GRIK3: variants seen among roughly 807,000 people sequenced by gnomAD.
GRIK3 encodes glutamate ionotropic receptor kainate type subunit 3.
A neutral mutation model predicts 102.5 loss-of-function variants in GRIK3; 29 were observed. The observed-to-expected ratio is 0.28, with a 90% CI of 0.21 to 0.39. The LOEUF (loss-of-function observed/expected upper bound fraction) is 0.39. Among genes scored for constraint, GRIK3 ranks in the 10% least tolerant of loss-of-function variants. GRIK3 has a pLI of 1.00. For synonymous variants in GRIK3, 511 were observed against 504.9 expected, an observed-to-expected ratio of 1.01 and a Z score of -0.16; for missense variants, 908 against 1,252.4, an observed-to-expected ratio of 0.73 and a Z score of 4.15.
chr1:36,976,096 C>T (rs560110238), intron 1 of GRIK3, among the ~76,000 whole-genome samples: 8 of 152,216 alleles, frequency 5.3e-5, no homozygotes, highest in African/African-American at 1.9e-4. Context: ...ACTGGGTTCT[C>T]CTGCTTGGCT....
At chr1:37,032,473 G>A (rs572086961) in intron 1 of GRIK3, among the ~76,000 whole-genome samples, 2 of 150,372 alleles carry the variant, frequency 1.3e-5, no homozygotes, top group Admixed American at 1.3e-4. Flanking sequence ...TAAAGGAAGT[G>A]CTGGTCCATT....
intron 1 of GRIK3, among the ~76,000 whole-genome samples, chr1:36,985,663 C>G (rs2124370353): frequency 6.6e-6 from 1 of 152,256 alleles, no homozygotes; most frequent in African/African-American, 2.4e-5. Flanking sequence ...AGGAAAGGCC[C>G]AGGGATCCGG....
At chr1:37,016,326 T>C (rs889913626) in intron 1 of GRIK3, among the ~76,000 whole-genome samples, 3 of 152,214 alleles carry the variant, frequency 2.0e-5, no homozygotes, top group Admixed American at 6.5e-5. Flanking sequence ...TTCACCTCAT[T>C]AAGGCTCAGA....
At chr1:36,936,514 A>G (rs1228692633) in intron 1 of GRIK3, among the ~76,000 whole-genome samples, 2 of 152,214 alleles carry the variant, frequency 1.3e-5, no homozygotes, top group Non-Finnish European at 1.5e-5. Context: ...TATTTGCTGA[A>G]AGGGCACCTC....
intron 5 of GRIK3, 65 bp downstream of exon 5, chr1:36,869,683 C>T: frequency 8.0e-7 from 1 of 1,249,690 alleles, no homozygotes; most frequent in Non-Finnish European, 1.2e-6. Flanking sequence ...CCAGGCTAAG[C>T]CACAATGAAC....
intron 1 of GRIK3, among the ~76,000 whole-genome samples, chr1:36,962,617 G>A (rs1448409925): frequency 6.8e-6 from 1 of 147,872 alleles, no homozygotes; most frequent in Non-Finnish European, 1.5e-5. Context: ...TAGCGGTGGA[G>A]GAAAGTGAGA....
At chr1:36,804,927 G>A (rs1252760531) in intron 15 of GRIK3, 60 bp downstream of exon 15, 1 of 1,587,844 alleles carries the variant, frequency 6.3e-7, no homozygotes, top group Non-Finnish European at 8.6e-7. Context: ...ACATACAGGA[G>A]TGAAATCAGC....
At chr1:36,805,918 A>G (rs1642493407) in intron 14 of GRIK3, among the ~76,000 whole-genome samples, 186 bp downstream of exon 14, 1 of 148,784 alleles carries the variant, frequency 6.7e-6, no homozygotes, top group Non-Finnish European at 1.5e-5. Flanking sequence ...CCTGGGCAAC[A>G]AAAGCGAAAC....
chr1:36,850,438 G>A lies in GRIK3; in HGVS notation c.1213-14C>T, dbSNP rs1422126814. On this transcript the variant is annotated splice_polypyrimidine_tract_variant and intron_variant, in intron 8 of 15. Transcript: ENST00000373091. This position sits in a 1 kb window ranked among gnomAD's most constrained non-coding sequence, Gnocchi z 4.0. ...CCACACCCCAACCTGGATGGACACA[G>A]ACAGAAAACAGGGTGCCGAGTCCTT... 6.5e-7 allele frequency: 1 copy of A among 1,536,338 alleles called. No individual in the cohort carries two copies. The highest frequency in any genetic ancestry group is 2.2e-5 in the East Asian group (1 of 44,554).
intron 1 of GRIK3, among the ~76,000 whole-genome samples, chr1:37,003,870 C>G (rs1642504946): frequency 1.3e-5 from 2 of 152,246 alleles, no homozygotes; most frequent in Non-Finnish European, 1.5e-5. Flanking sequence ...CTCGTCACCC[C>G]ACAGGCTCCC....
intron 2 of GRIK3, among the ~76,000 whole-genome samples, chr1:36,882,636 C>T (rs17461259): frequency 0.056 from 8,504 of 152,208 alleles, 336 homozygotes; most frequent in Non-Finnish European, 0.08. Flanking sequence ...GTTTAGAGGA[C>T]ATTTGTGGGC....
chr1:36,957,788 C>T lies in GRIK3; in HGVS notation c.116-66692G>A, dbSNP rs371064146. Among the ~76,000 whole-genome samples the T allele has an allele frequency of 2.6e-3, 378 of 143,268 alleles. 6 individuals are homozygous for T. Among genetic ancestry groups the T allele is most frequent in the African/African-American group, 9.8e-3 (367 of 37,322 alleles). 94.0% of individuals were successfully genotyped at this position (143,268 alleles called of 152,430 possible). A position where few individuals can be genotyped will look rare whatever the true frequency, so the allele number is the denominator to read the frequency against. ...ATGTGTGTCCCATGAGTCTGTGCCC[C>T]GTGACTCTGTGCCCAATGAACCTAT... On this transcript the variant is annotated intron_variant, in intron 1 of 15. Coordinates refer to ENST00000373091, the MANE Select transcript of GRIK3 (RefSeq NM_000831.4).
intron 1 of GRIK3, among the ~76,000 whole-genome samples, chr1:37,017,581 C>T (rs1004424057): frequency 3.3e-5 from 5 of 152,026 alleles, no homozygotes; most frequent in Admixed American, 6.6e-5. Flanking sequence ...CATCTCTTGC[C>T]GCACAGTTGG....
chr1:36,938,785 A>G (rs538785984), intron 1 of GRIK3, among the ~76,000 whole-genome samples: 1 of 152,308 alleles, frequency 6.6e-6, no homozygotes, highest in East Asian at 1.9e-4. Context: ...TTGACAGCTG[A>G]CCCAAGATTA....
intron 1 of GRIK3, among the ~76,000 whole-genome samples, chr1:36,986,036 A>G (rs918501398): frequency 6.6e-6 from 1 of 152,038 alleles, no homozygotes; most frequent in African/African-American, 2.4e-5. Flanking sequence ...CCTGGAGCAC[A>G]GCTTCCCCCA....
At chr1:36,890,057 C>G (rs573341) in intron 2 of GRIK3, among the ~76,000 whole-genome samples, 145,418 of 152,202 alleles carry the variant, frequency 0.96, 69,721 homozygotes, top group Non-Finnish European at 1. Context: ...GCAGACACAA[C>G]AGCAGAGAGA....
At chr1:36,920,607 C>A (rs555572271) in intron 1 of GRIK3, among the ~76,000 whole-genome samples, 22 of 152,300 alleles carry the variant, frequency 1.4e-4, no homozygotes, top group African/African-American at 5.3e-4. Flanking sequence ...CACCTGAAGA[C>A]CCCTACAGTT....
At chr1:36,984,143 A>G (rs915816560) in intron 1 of GRIK3, among the ~76,000 whole-genome samples, 1 of 152,212 alleles carries the variant, frequency 6.6e-6, no homozygotes, top group Non-Finnish European at 1.5e-5. Context: ...CTCGGCAACC[A>G]CATACCACCA....
chr1:37,001,340 C>G (rs955065787), intron 1 of GRIK3, among the ~76,000 whole-genome samples: 1 of 152,260 alleles, frequency 6.6e-6, no homozygotes, highest in Admixed American at 6.5e-5. Context: ...TGGCAGTTGT[C>G]CTCTCAAATT....
Sources: allele counts gnomAD v4.1 joint callset (sites outside exome capture counted in the v4.1 genomes callset), GRCh38; gene constraint gnomAD v4.1.1; non-coding constraint Gnocchi (gnomAD v3.1); transcripts MANE v1.5; gene names NCBI Gene and HGNC (gene_info 2026-07-23, HGNC 2026-07-21).